JMY: variants seen among roughly 807,000 people sequenced by gnomAD.
JMY encodes the protein junction mediating and regulatory protein, p53 cofactor.
JMY carries 46 observed loss-of-function variants against 103.3 expected under a neutral mutation model. The ratio of observed to expected loss-of-function variants is 0.45; its 90% CI spans 0.35 to 0.57. JMY has a LOEUF of 0.57. Among genes scored for constraint, JMY ranks in the 20% least tolerant of loss-of-function variants. JMY has a pLI of 0.00. For missense variants in JMY, 1,238 were observed against 1,255.2 expected (o/e 0.99, Z 0.21); for synonymous variants, 526 against 489.3 (o/e 1.07, Z -0.99).
chr5:79,253,226 G>T (rs1656606063), intron 1 of JMY, among the ~76,000 whole-genome samples: 2 of 151,290 alleles, frequency 1.3e-5, no homozygotes, highest in African/African-American at 2.4e-5. Flanking sequence ...TGTTTCTTTT[G>T]TTGTTGTTGT....
chr5:79,313,576 A>G (rs1747116022), intron 8 of JMY, among the ~76,000 whole-genome samples: 1 of 152,204 alleles, frequency 6.6e-6, no homozygotes, highest in African/African-American at 2.4e-5. Context: ...CCTGTTAAAG[A>G]ATATTTTAAT....
At chr5:79,299,708 A>C (rs1419309151) in intron 4 of JMY, among the ~76,000 whole-genome samples, 1 of 152,186 alleles carries the variant, frequency 6.6e-6, no homozygotes, top group Non-Finnish European at 1.5e-5. Flanking sequence ...CCAGTCTGTG[A>C]CCATGGAGCA....
At position 79,236,450 on chromosome 5, in the gene JMY, CCTT is replaced by C. The variant is rs1410305155; in HGVS notation, c.-198_-196del. 4 of 416,944 alleles carry C rather than the reference CCTT, an allele frequency of 9.6e-6. No individual in the cohort carries two copies. In the East Asian group the frequency reaches 1.5e-4, roughly 16 times the overall value. The allele number at this position is 416,944 out of a possible 1,614,324, so 25.8% of individuals were successfully genotyped here. On this transcript the variant is annotated 5_prime_UTR_variant, in exon 1 of 11. Transcript: ENST00000396137. ...TACCTGCTCCCGGGACGCTTATTGTCCTTCTCTCGATCCGCGCCACAAAGGAGC... is the reference window on the plus strand; with the variant it reads ...TACCTGCTCCCGGGACGCTTATTGTCCTCTCGATCCGCGCCACAAAGGAGC...
At chr5:79,279,522 T>C (rs1380187314) in intron 2 of JMY, among the ~76,000 whole-genome samples, 1 of 152,176 alleles carries the variant, frequency 6.6e-6, no homozygotes, top group African/African-American at 2.4e-5. Context: ...TTATGTAAGA[T>C]TGAGTATTTG....
chr5:79,315,518 C>T (rs1192986455), intron 9 of JMY, among the ~76,000 whole-genome samples: 1 of 152,070 alleles, frequency 6.6e-6, no homozygotes, highest in Non-Finnish European at 1.5e-5. Flanking sequence ...ACATTTTAAC[C>T]TGAAGGACCA....
intron 7 of JMY, among the ~76,000 whole-genome samples, chr5:79,307,488 T>C (rs1746919704): frequency 6.6e-6 from 1 of 152,122 alleles, no homozygotes; most frequent in Admixed American, 6.6e-5. Context: ...GGTGCGTGTG[T>C]GTGTTTAAGA....
At chr5:79,276,375 C>T (rs1460381116) in intron 1 of JMY, among the ~76,000 whole-genome samples, 1 of 152,124 alleles carries the variant, frequency 6.6e-6, no homozygotes, top group Admixed American at 6.5e-5. Context: ...CTGCCTCGGC[C>T]TCCCAAAGTG....
At chr5:79,252,078 T>G (rs1745104483) in intron 1 of JMY, among the ~76,000 whole-genome samples, 1 of 152,152 alleles carries the variant, frequency 6.6e-6, no homozygotes. Flanking sequence ...GCCCAGCCTT[T>G]TCTTCTTTTT....
At chr5:79,263,582 C>T (rs1433704750) in intron 1 of JMY, among the ~76,000 whole-genome samples, 1 of 152,048 alleles carries the variant, frequency 6.6e-6, no homozygotes, top group African/African-American at 2.4e-5. Flanking sequence ...TTTGTGGAGA[C>T]AGGGTTTTCA....
At position 79,266,409 on chromosome 5, in the gene JMY, A is replaced by G. The variant is rs540158149; in HGVS notation, c.1033-11501A>G. On this transcript the variant is annotated intron_variant, in intron 1 of 10. Transcript: ENST00000396137. ...CTTTCTTGACTAGTTAAGTATGTAA[A>G]TCATGTATTAATACTTGTTAAATGA... 1.6e-4 allele frequency among the ~76,000 whole-genome samples: 24 copies of G among 152,292 alleles called. 1 individual carries two copies. The South Asian group carries it at 4.6e-3, about 29-fold the overall frequency.
intron 10 of JMY, among the ~76,000 whole-genome samples, chr5:79,320,332 C>T (rs1446461194): frequency 2.5e-5 from 3 of 117,654 alleles, no homozygotes; most frequent in Non-Finnish European, 5.2e-5. Context: ...TAGTTTGTTT[C>T]CTGTGAGAGT....
At chr5:79,244,787 A>G (rs1744841270) in intron 1 of JMY, among the ~76,000 whole-genome samples, 1 of 151,886 alleles carries the variant, frequency 6.6e-6, no homozygotes, top group African/African-American at 2.4e-5. Context: ...TCCAAGTGTA[A>G]GAGACATAGG....
chr5:79,289,803 A>G (rs1293193590), intron 2 of JMY, among the ~76,000 whole-genome samples: 1 of 152,170 alleles, frequency 6.6e-6, no homozygotes, highest in African/African-American at 2.4e-5. Flanking sequence ...AGTCTTAACC[A>G]AAAAAGATAT....
chr5:79,274,726 C>T (rs1745889025), intron 1 of JMY, among the ~76,000 whole-genome samples: 1 of 152,076 alleles, frequency 6.6e-6, no homozygotes, highest in Non-Finnish European at 1.5e-5. Context: ...TTTTTGATGA[C>T]TGAGTTTTGT....
intron 1 of JMY, among the ~76,000 whole-genome samples, chr5:79,272,017 C>G (rs889888682): frequency 7.3e-5 from 11 of 151,452 alleles, no homozygotes; most frequent in Admixed American, 4.6e-4. Context: ...GAGGCTGAGG[C>G]AGGAGAATTG....
intron 6 of JMY, among the ~76,000 whole-genome samples, chr5:79,303,303 C>T (rs1467122000): frequency 1.3e-5 from 2 of 152,044 alleles, no homozygotes; most frequent in African/African-American, 4.8e-5. Flanking sequence ...CTCCTGAGCT[C>T]AAGCAATCCT....
chr5:79,324,111 A>G lies in JMY; in HGVS notation c.*2509A>G, dbSNP rs1156816015. 6.6e-6 allele frequency: 1 copy of G among 152,218 alleles called. No homozygotes were observed. The highest frequency in any genetic ancestry group is 6.5e-5 in the Admixed American group (1 of 15,284). 9.4% of individuals were successfully genotyped at this position (152,218 alleles called of 1,614,324 possible). A position where few individuals can be genotyped will look rare whatever the true frequency, so the allele number is the denominator to read the frequency against. ...TACTCACAAATAATAATAAAATTTC[A>G]AATAACTAGGGTCTACTTGTCCATC... On this transcript the variant is annotated 3_prime_UTR_variant, in exon 11 of 11. Coordinates refer to ENST00000396137, the MANE Select transcript of JMY (RefSeq NM_152405.5).
chr5:79,264,938 G>T (rs1745539745), intron 1 of JMY, among the ~76,000 whole-genome samples: 2 of 152,122 alleles, frequency 1.3e-5, no homozygotes, highest in South Asian at 4.2e-4. Flanking sequence ...ATTTTTTGAG[G>T]CAGAGTCTTG....
intron 6 of JMY, among the ~76,000 whole-genome samples, chr5:79,302,446 A>G (rs954509048): frequency 1.4e-4 from 21 of 152,160 alleles, no homozygotes; most frequent in Admixed American, 1.0e-3. Context: ...CTGCCGGCCA[A>G]AAACAGCAAG....
Sources: allele counts gnomAD v4.1 joint callset (sites outside exome capture counted in the v4.1 genomes callset), GRCh38; gene constraint gnomAD v4.1.1; transcripts MANE v1.5; gene names NCBI Gene and HGNC (gene_info 2026-07-23, HGNC 2026-07-21).